Variants in SAMTOR observed in about 807,000 individuals in gnomAD.
SAMTOR encodes UPF0532 protein C7orf60.
At chr7:112,859,066 G>C in the SAMTOR span, among the ~76,000 whole-genome samples, 5 of 152,140 alleles carry the variant, frequency 3.3e-5, no homozygotes, top group African/African-American at 1.2e-4. Context: ...GGCCTTAATA[G>C]AAAAAGACTG....
the SAMTOR span, among the ~76,000 whole-genome samples, chr7:112,892,343 C>G: frequency 6.6e-6 from 1 of 152,130 alleles, no homozygotes; most frequent in African/African-American, 2.4e-5. Context: ...CTGATCTGCT[C>G]CCATGAATCA....
the SAMTOR span, among the ~76,000 whole-genome samples, chr7:112,838,985 A>C: frequency 6.6e-6 from 1 of 151,862 alleles, no homozygotes; most frequent in Non-Finnish European, 1.5e-5. Flanking sequence ...CCACAGTAAC[A>C]AAAAGCATAT....
chr7:112,856,494 C>T, the SAMTOR span, among the ~76,000 whole-genome samples: 1 of 152,102 alleles, frequency 6.6e-6, no homozygotes, highest in East Asian at 1.9e-4. Context: ...AGATGATCTA[C>T]CTGCCTCGGC....
chr7:112,892,386 T>C, the SAMTOR span, among the ~76,000 whole-genome samples: 1 of 152,158 alleles, frequency 6.6e-6, no homozygotes, highest in Non-Finnish European at 1.5e-5. Flanking sequence ...GAATGGTGAG[T>C]CCTTTCCAGA....
At chr7:112,876,124 C>T in the SAMTOR span, among the ~76,000 whole-genome samples, 3 of 152,084 alleles carry the variant, frequency 2.0e-5, no homozygotes, top group African/African-American at 7.2e-5. Flanking sequence ...CCATGCTTGG[C>T]TATTTTTTGT....
the SAMTOR span, chr7:112,821,707 TAGGAGCCTGGAC>T: frequency 6.5e-7 from 1 of 1,536,998 alleles, no homozygotes; most frequent in Non-Finnish European, 8.7e-7. Context: ...GCAATTAGTT[TAGGAGCCTGGAC>T]TGAAAGGGGC....
chr7:112,825,816 C>A, the SAMTOR span, among the ~76,000 whole-genome samples: 218 of 151,214 alleles, frequency 1.4e-3, no homozygotes, highest in Non-Finnish European at 2.7e-3. Flanking sequence ...TTTTCAGATA[C>A]CCTTTATCAG....
the SAMTOR span, among the ~76,000 whole-genome samples, chr7:112,860,698 A>T: frequency 6.6e-6 from 1 of 152,030 alleles, no homozygotes; most frequent in Admixed American, 6.6e-5. Flanking sequence ...GTCAGGGGTC[A>T]GGAGATCGAG....
At chr7:112,922,848 C>T in the SAMTOR span, among the ~76,000 whole-genome samples, 1 of 148,192 alleles carries the variant, frequency 6.7e-6, no homozygotes, top group Non-Finnish European at 1.5e-5. Context: ...CAGACCCCCG[C>T]CCGGCCAGCC....
the SAMTOR span, chr7:112,822,366 T>A: frequency 1.3e-6 from 2 of 1,592,534 alleles, no homozygotes; most frequent in African/African-American, 2.7e-5. Context: ...ATCACATTTA[T>A]AGACACTCTG....
the SAMTOR span, among the ~76,000 whole-genome samples, chr7:112,877,103 T>G: frequency 6.6e-6 from 1 of 152,284 alleles, no homozygotes; most frequent in East Asian, 1.9e-4. Context: ...AGAAACATGC[T>G]CTATTTATCT....
the SAMTOR span, among the ~76,000 whole-genome samples, chr7:112,902,728 G>T: frequency 1.3e-5 from 2 of 152,044 alleles, no homozygotes; most frequent in Non-Finnish European, 2.9e-5. Context: ...GCATGTTTGG[G>T]ATGGAGTGGT....
the SAMTOR span, among the ~76,000 whole-genome samples, chr7:112,924,307 T>A: frequency 6.6e-6 from 1 of 152,196 alleles, no homozygotes; most frequent in Non-Finnish European, 1.5e-5. Flanking sequence ...AAGAGGTTTT[T>A]TTTAAACAGA....
At chr7:112,881,464 C>T in the SAMTOR span, among the ~76,000 whole-genome samples, 1 of 152,196 alleles carries the variant, frequency 6.6e-6, no homozygotes. Flanking sequence ...TCAGCACACA[C>T]TTCCTCCCTT....
the SAMTOR span, among the ~76,000 whole-genome samples, chr7:112,911,222 C>A: frequency 6.6e-6 from 1 of 152,152 alleles, no homozygotes; most frequent in South Asian, 2.1e-4. Flanking sequence ...GTGAAGGCAG[C>A]AACAGCACTG....
the SAMTOR span, among the ~76,000 whole-genome samples, chr7:112,921,325 T>A: frequency 6.6e-6 from 1 of 151,840 alleles, no homozygotes; most frequent in Non-Finnish European, 1.5e-5. Flanking sequence ...TTGACAAACC[T>A]GACAAAAACA....
chr7:112,919,645 T>G, the SAMTOR span, among the ~76,000 whole-genome samples: 1 of 151,840 alleles, frequency 6.6e-6, no homozygotes, highest in Non-Finnish European at 1.5e-5. Flanking sequence ...CTTCAAAAAA[T>G]TAATGAATCC....
At chr7:112,892,011 C>T in the SAMTOR span, among the ~76,000 whole-genome samples, 1 of 152,348 alleles carries the variant, frequency 6.6e-6, no homozygotes, top group East Asian at 1.9e-4. Context: ...ATTTTACTCA[C>T]AGAATTTCTT....
chr7:112,933,689 A>G, the SAMTOR span, among the ~76,000 whole-genome samples: 2 of 152,194 alleles, frequency 1.3e-5, no homozygotes, highest in East Asian at 1.9e-4. Flanking sequence ...TCTTAGTTCA[A>G]TGTTTTCTCA....
Sources: allele counts gnomAD v4.1 joint callset (sites outside exome capture counted in the v4.1 genomes callset), GRCh38; gene constraint gnomAD v4.1.1; transcripts MANE v1.5; gene names NCBI Gene and HGNC (gene_info 2026-07-23, HGNC 2026-07-21).